MYO5B: variants seen among roughly 807,000 people sequenced by gnomAD.
The protein encoded by MYO5B is unconventional myosin-Vb.
In MYO5B, 143 loss-of-function variants were observed where a neutral mutation model predicts 229.3. The ratio of observed to expected loss-of-function variants is 0.62; its 90% CI spans 0.54 to 0.72. MYO5B has a LOEUF of 0.72. Among genes scored for constraint, MYO5B ranks in the 30% least tolerant of loss-of-function variants. MYO5B has a pLI of 0.00. For synonymous variants in MYO5B, 918 were observed against 885.2 expected (o/e 1.04, Z -0.66); for missense variants, 2,321 against 2,331.0 (o/e 1.00, Z 0.09).
At chr18:49,914,899 G>A (rs2024996085) in intron 17 of MYO5B, among the ~76,000 whole-genome samples, 1 of 152,182 alleles carries the variant, frequency 6.6e-6, no homozygotes, top group Non-Finnish European at 1.5e-5. Flanking sequence ...TCTGGAGCAG[G>A]TTCTCTTAGA....
rs11875730 is a variant in MYO5B at position 49,990,334 on chromosome 18, C to T, written c.838+105G>A. The T allele has an allele frequency of 0.034, 32,144 of 931,782 alleles. 1,086 individuals are homozygous for T. Among genetic ancestry groups the T allele is most frequent in the African/African-American group, 0.15 (9,104 of 61,418 alleles). The allele number at this position is 931,782 out of a possible 1,614,324, so 57.7% of individuals were successfully genotyped here. On this transcript the variant is annotated intron_variant, in intron 7 of 39. Transcript: ENST00000285039. ...GGTTATGGCCACATAAGAGGCAGAG[C>T]CGAGACAAGAACCCATGACGGAGGG...
At chr18:49,882,677 T>G (rs916770513) in intron 22 of MYO5B, among the ~76,000 whole-genome samples, 13 of 149,108 alleles carry the variant, frequency 8.7e-5, no homozygotes, top group African/African-American at 3.2e-4. Context: ...TTTCTCATCA[T>G]TGAATGAGAT....
chr18:50,085,595 G>A (rs2031312806), intron 1 of MYO5B, among the ~76,000 whole-genome samples: 2 of 152,110 alleles, frequency 1.3e-5, no homozygotes, highest in East Asian at 3.8e-4. Context: ...AAATCATGCT[G>A]CTATAAAGAC....
At chr18:50,112,868 T>A (rs1023510869) in intron 1 of MYO5B, among the ~76,000 whole-genome samples, 6 of 152,218 alleles carry the variant, frequency 3.9e-5, no homozygotes, top group East Asian at 3.9e-4. Flanking sequence ...CAACGTATTT[T>A]AAAAAAAATT....
chr18:50,082,069 C>T (rs1353051603), intron 1 of MYO5B, among the ~76,000 whole-genome samples: 1 of 152,218 alleles, frequency 6.6e-6, no homozygotes, highest in Non-Finnish European at 1.5e-5. Flanking sequence ...TGCAGAAAAA[C>T]AGTTGAGATT....
intron 2 of MYO5B, among the ~76,000 whole-genome samples, chr18:50,052,990 C>T (rs1224785820): frequency 2.0e-5 from 3 of 152,222 alleles, no homozygotes; most frequent in East Asian, 3.9e-4. Context: ...GGAGGATGCA[C>T]GAGGTTGGTT....
intron 4 of MYO5B, among the ~76,000 whole-genome samples, chr18:50,009,449 G>C (rs973399153): frequency 2.0e-5 from 3 of 152,070 alleles, no homozygotes; most frequent in African/African-American, 7.2e-5. Flanking sequence ...TGAAACAACA[G>C]AATACTAAGA....
In MYO5B at chr18:49,877,855, A is replaced by G. The variant is rs1324017347; in HGVS notation, c.3304T>C (p.Ser1102Pro). The G allele has an allele frequency of 6.2e-7, 1 of 1,614,158 alleles. No homozygotes were observed. Among genetic ancestry groups the G allele is most frequent in the East Asian group, 2.2e-5 (1 of 44,882 alleles). The change falls in exon 25 of 40, where the codon TCA (serine) becomes CCA (proline). Residue 1102 changes from serine (S) to proline (P), a missense_variant. Transcript: ENST00000285039. ...TCAGATTCTAAGCTACTTTGGTTTG[A>G]TGGGTTCCGCCTATGACCTGGAGTT... is the stretch of plus-strand genomic sequence containing the variant. ...KQTPGHRRNP[S>P]NQSSLESDSN...
chr18:50,149,908 G>A (rs2032569176), intron 1 of MYO5B, among the ~76,000 whole-genome samples: 1 of 144,696 alleles, frequency 6.9e-6, no homozygotes. Flanking sequence ...CTACAAAATG[G>A]GAGAAAATTT....
At chr18:49,848,726 T>G (rs141115715) in intron 32 of MYO5B, among the ~76,000 whole-genome samples, 2 of 151,940 alleles carry the variant, frequency 1.3e-5, no homozygotes, top group Non-Finnish European at 2.9e-5. Flanking sequence ...TAAGCAAAGC[T>G]TGAAGCCAAG....
At chr18:50,103,978 A>G (rs1208280089) in intron 1 of MYO5B, among the ~76,000 whole-genome samples, 2 of 148,156 alleles carry the variant, frequency 1.3e-5, no homozygotes, top group Non-Finnish European at 3.0e-5. Flanking sequence ...TTGAGGCAAC[A>G]CAGTGAGATC....
intron 7 of MYO5B, among the ~76,000 whole-genome samples, chr18:49,986,108 C>T (rs1251330383): frequency 3.9e-5 from 6 of 152,212 alleles, no homozygotes; most frequent in Admixed American, 2.6e-4. Flanking sequence ...AGAACAGCCC[C>T]TGGCCCTTTT....
intron 4 of MYO5B, among the ~76,000 whole-genome samples, chr18:50,013,043 A>G (rs564553896): frequency 9.2e-5 from 14 of 152,224 alleles, no homozygotes; most frequent in African/African-American, 3.1e-4. Flanking sequence ...TCTTTTATTC[A>G]TAAGTCTCTT....
rs751995865 is a variant in MYO5B, at chr18:49,844,525, G to C, written c.4460-1133C>G. On this transcript the variant is annotated intron_variant, in intron 33 of 39. Coordinates refer to ENST00000285039, the MANE Select transcript of MYO5B (RefSeq NM_001080467.3). ...TTCTACCAGGCTGGTCCTGGGCTGG[G>C]CTCTGCTGCCAGCAGCTCCAGTTGG... Among the ~76,000 whole-genome samples, 7 of 152,288 alleles carry C rather than the reference G, an allele frequency of 4.6e-5. No individual in the cohort carries two copies. In the South Asian group the frequency reaches 1.5e-3, roughly 32 times the overall value.
chr18:50,132,561 A>C (rs1463890572), intron 1 of MYO5B, among the ~76,000 whole-genome samples: 2 of 152,242 alleles, frequency 1.3e-5, no homozygotes, highest in African/African-American at 4.8e-5. Context: ...GCTGGGGAAG[A>C]AAATGAACAT....
intron 4 of MYO5B, among the ~76,000 whole-genome samples, chr18:50,012,891 G>C (rs1401348241): frequency 1.3e-5 from 2 of 152,212 alleles, no homozygotes; most frequent in East Asian, 1.9e-4. Context: ...CCACAGGAGA[G>C]GCTGCTTTGA....
At chr18:49,976,296 C>T (rs546091414) in intron 9 of MYO5B, among the ~76,000 whole-genome samples, 1 of 152,190 alleles carries the variant, frequency 6.6e-6, no homozygotes, top group Non-Finnish European at 1.5e-5. Context: ...ACCATATCCC[C>T]AGGCAATTTT....
intron 1 of MYO5B, among the ~76,000 whole-genome samples, chr18:50,096,069 C>G (rs768368464): frequency 1.3e-5 from 2 of 152,194 alleles, no homozygotes; most frequent in Non-Finnish European, 2.9e-5. Flanking sequence ...TCTGCCATAT[C>G]TCACCATGTC....
At chr18:50,130,139 G>A (rs1028997331) in intron 1 of MYO5B, among the ~76,000 whole-genome samples, 2 of 152,170 alleles carry the variant, frequency 1.3e-5, no homozygotes, top group African/African-American at 4.8e-5. Context: ...CAGGAGACTG[G>A]GCTGGAATCA....
Sources: allele counts gnomAD v4.1 joint callset (sites outside exome capture counted in the v4.1 genomes callset), GRCh38; gene constraint gnomAD v4.1.1; transcripts MANE v1.5; gene names NCBI Gene and HGNC (gene_info 2026-07-23, HGNC 2026-07-21).